Variants in COMMD9 observed in about 807,000 individuals in gnomAD.
COMMD9 encodes the protein COMM domain-containing protein 9.
COMMD9 carries 22 observed loss-of-function variants against 23.4 expected under a neutral mutation model. The ratio of observed to expected loss-of-function variants is 0.94; its 90% CI spans 0.67 to 1.34. COMMD9 has a LOEUF of 1.34. Ranked by LOEUF, COMMD9 falls within the 40% of genes most tolerant of loss-of-function variation. The pLI is 0.00. For missense variants in COMMD9, 231 were observed against 240.2 expected, an observed-to-expected ratio of 0.96 and a Z score of 0.25; for synonymous variants, 99 against 97.4, an observed-to-expected ratio of 1.02 and a Z score of -0.10.
chr11:36,283,747 A>C (rs1207749086), intron 1 of COMMD9, among the ~76,000 whole-genome samples: 2 of 152,214 alleles, frequency 1.3e-5, no homozygotes, highest in Non-Finnish European at 1.5e-5. Context: ...AAATGGTCTA[A>C]GTGTACCAAT....
chr11:36,276,412 A>G, intron 4 of COMMD9, 172 bp from the exon 5 acceptor site: 1 of 593,742 alleles, frequency 1.7e-6, no homozygotes, highest in East Asian at 2.8e-5. Context: ...CATGTGCCTT[A>G]CCCATTGCTC....
At chr11:36,278,317 A>G (rs1856008774) in intron 3 of COMMD9, 160 bp downstream of exon 3, 3 of 644,936 alleles carry the variant, frequency 4.7e-6, no homozygotes, top group Non-Finnish European at 8.0e-6. Context: ...AAAGACTACC[A>G]CTAACATCTG....
rs563069014 is a variant in COMMD9 at position 36,284,055 on chromosome 11, G to A, written c.52-3218C>T. Among the ~76,000 whole-genome samples, 3 of 152,160 alleles carry A rather than the reference G, an allele frequency of 2.0e-5. No homozygotes were observed. In the East Asian group the frequency reaches 5.8e-4, roughly 29 times the overall value. On this transcript the variant is annotated intron_variant, in intron 1 of 5. Transcript: ENST00000263401. Reference sequence around the variant, plus strand: ...TGGGAAGTAAAGGCTGCGGTGAGCCGAGATTGCACCACTGCACTCCAGCCT... The same window carrying A: ...TGGGAAGTAAAGGCTGCGGTGAGCCAAGATTGCACCACTGCACTCCAGCCT...
At chr11:36,275,635 G>T (rs576881620) in intron 5 of COMMD9, among the ~76,000 whole-genome samples, 2 of 152,242 alleles carry the variant, frequency 1.3e-5, no homozygotes, top group South Asian at 2.1e-4. Context: ...GTAGAGATGC[G>T]GTTTCACCAT....
chr11:36,285,543 G>A (rs1030208509), intron 1 of COMMD9, among the ~76,000 whole-genome samples: 25 of 151,824 alleles, frequency 1.6e-4, no homozygotes, highest in African/African-American at 5.1e-4. Flanking sequence ...TACCAAAACC[G>A]CACAAAATTG....
intron 1 of COMMD9, among the ~76,000 whole-genome samples, chr11:36,284,503 G>A (rs1303884133): frequency 6.6e-6 from 1 of 152,152 alleles, no homozygotes; most frequent in Non-Finnish European, 1.5e-5. Flanking sequence ...GATATAGAAG[G>A]AACTAACAAT....
chr11:36,278,916 A>T (rs1856020549), intron 2 of COMMD9, among the ~76,000 whole-genome samples: 1 of 152,202 alleles, frequency 6.6e-6, no homozygotes. Flanking sequence ...CTTCTGCATG[A>T]GAATCTGACC....
In COMMD9 at chr11:36,280,832, G is replaced by T. The variant is rs1856054119; in HGVS notation, c.57C>A (p.Ser19=). 1 of 1,576,546 alleles carries T rather than the reference G, an allele frequency of 6.3e-7. No individual in the cohort carries two copies. Among genetic ancestry groups the T allele is most frequent in the Middle Eastern group, 1.7e-4 (1 of 5,858 alleles). Residue 19 remains serine (S), a synonymous_variant, in exon 2 of 6, where the codon TCC becomes TCA. Transcript: ENST00000263401. ...FAALQSLLKA[S]SKDVVRQLCQ... ...ACAGCTGTCTGACAACATCTTTCGA[G>T]GAGGCCTATGAATTAAATCACAGAT...
intron 2 of COMMD9, 152 bp from the exon 3 acceptor site, chr11:36,278,768 G>A: frequency 1.4e-6 from 1 of 713,022 alleles, no homozygotes; most frequent in Non-Finnish European, 2.2e-6. Flanking sequence ...TGTGGCACAT[G>A]CTCATGCCCC....
chr11:36,279,674 T>C (rs11033523), intron 2 of COMMD9, among the ~76,000 whole-genome samples: 6,170 of 152,306 alleles, frequency 0.041, 345 homozygotes, highest in East Asian at 0.17. Context: ...CCCCACTGCT[T>C]TGTGTTTTCT....
At position 36,274,729 on chromosome 11, in the gene COMMD9, G is replaced by A. The variant is rs1343077365; in HGVS notation, c.500C>T (p.Ser167Leu). 1 of 1,614,284 alleles carries A rather than the reference G, an allele frequency of 6.2e-7. No individual in the cohort carries two copies. Among genetic ancestry groups the A allele is most frequent in the Admixed American group, 1.7e-5 (1 of 60,038 alleles). ...PSLCGDKPSI[S>L]AVTVELSKET... ...TTTGCTCAGCTCCACGGTGACAGCT[G>A]AGATGGAGGGTTTGTCTCCGCATAG... Residue 167 changes from serine to leucine, a missense_variant, in exon 6 of 6, where the codon TCA (serine) becomes TTA (leucine). Physicochemically the swap from Ser to Leu is moderately radical, Grantham distance 145 (BLOSUM62 -2). Coordinates refer to ENST00000263401, the MANE Select transcript of COMMD9 (RefSeq NM_014186.4).
intron 1 of COMMD9, among the ~76,000 whole-genome samples, chr11:36,286,349 A>G (rs919524285): frequency 2.8e-4 from 42 of 148,434 alleles, no homozygotes; most frequent in Non-Finnish European, 7.4e-5. Flanking sequence ...CAGGAGTTCA[A>G]GACCAGCCTG....
intron 2 of COMMD9, 56 bp from the exon 3 acceptor site, chr11:36,278,672 C>A (rs1856016488): frequency 6.3e-7 from 1 of 1,582,884 alleles, no homozygotes; most frequent in South Asian, 1.1e-5. Flanking sequence ...GCAGGGGGCA[C>A]AAGGCAGGGC....
intron 1 of COMMD9, among the ~76,000 whole-genome samples, chr11:36,281,630 GAT>G (rs1856068550): frequency 6.6e-6 from 1 of 152,220 alleles, no homozygotes; most frequent in Admixed American, 6.5e-5. Context: ...ACTTCCACCT[GAT>G]AGTAATGAGG....
At chr11:36,278,748 C>T in intron 2 of COMMD9, 132 bp from the exon 3 acceptor site, 1 of 853,898 alleles carries the variant, frequency 1.2e-6, no homozygotes, top group Non-Finnish European at 1.7e-6. Flanking sequence ...GTCACAAGTC[C>T]AGAGGCCTCT....
intron 5 of COMMD9, among the ~76,000 whole-genome samples, chr11:36,275,598 C>T (rs1468041621): frequency 6.6e-6 from 1 of 152,126 alleles, no homozygotes; most frequent in Non-Finnish European, 1.5e-5. Flanking sequence ...AGCCCGCCAC[C>T]ACGCCCGGCT....
intron 1 of COMMD9, among the ~76,000 whole-genome samples, chr11:36,283,864 C>G (rs959203903): frequency 6.6e-6 from 1 of 152,096 alleles, no homozygotes; most frequent in Non-Finnish European, 1.5e-5. Flanking sequence ...CACCACTTTG[C>G]AAGGCCACGG....
intron 1 of COMMD9, among the ~76,000 whole-genome samples, chr11:36,282,941 C>T (rs1341081937): frequency 6.6e-6 from 1 of 152,152 alleles, no homozygotes; most frequent in African/African-American, 2.4e-5. Flanking sequence ...CACTGGGAGG[C>T]CACTGGTGCA....
rs1265655145 is a variant in COMMD9, at chr11:36,274,118, G to A, written c.*514C>T. ...AGAGGGGTTCCAGTATGGTGGAGGG[G>A]GCTCAGGGAACACTCTGGATGGACC... On this transcript the variant is annotated 3_prime_UTR_variant, in exon 6 of 6. Transcript: ENST00000263401. The A allele has an allele frequency of 5.3e-6, 2 of 380,568 alleles. No homozygotes were observed. 23.6% of individuals were successfully genotyped at this position (380,568 alleles called of 1,614,324 possible).
Sources: gnomAD v4.1 joint callset for allele counts (sites outside exome capture counted in the v4.1 genomes callset) on GRCh38, gnomAD v4.1.1 for gene constraint, MANE v1.5 for transcripts, NCBI Gene and HGNC (gene_info 2026-07-23, HGNC 2026-07-21) for gene names.